The following ENOX1 variants were observed in gnomAD, a reference collection of about 807,000 sequenced individuals.
ENOX1 encodes the protein candidate growth-related and time keeping constitutive hydroquinone (NADH) oxidase.
A neutral mutation model predicts 82.5 loss-of-function variants in ENOX1; 42 were observed. That is an observed-to-expected ratio of 0.51 (90% confidence interval 0.40 to 0.66). The LOEUF is 0.66. Ranked by LOEUF, ENOX1 falls within the 30% of genes least tolerant of loss-of-function variation. ENOX1 has a pLI of 0.00. For synonymous variants in ENOX1, 271 were observed against 282.2 expected, an observed-to-expected ratio of 0.96 and a Z score of 0.40; for missense variants, 608 against 811.6, an observed-to-expected ratio of 0.75 and a Z score of 3.05.
rs146102838 is a variant in ENOX1 at position 43,551,574 on chromosome 13, T to G, written c.-218-67422A>C. On this transcript the variant is annotated intron_variant, in intron 2 of 16. Coordinates refer to ENST00000690772, the MANE Select transcript of ENOX1 (RefSeq NM_001347969.2). ...TTATCTTAAAAGGTACATTATAATTTAGTCAAATCTGATAGTCATGGGCTT... is the reference window on the plus strand; with the variant it reads ...TTATCTTAAAAGGTACATTATAATTGAGTCAAATCTGATAGTCATGGGCTT... Among the ~76,000 whole-genome samples, 22 of 152,368 alleles carry G rather than the reference T, an allele frequency of 1.4e-4. No homozygotes were observed. In the East Asian group the frequency reaches 3.1e-3, roughly 21 times the overall value.
chr13:43,701,625 C>A (rs2086911885), intron 1 of ENOX1, among the ~76,000 whole-genome samples: 3 of 152,086 alleles, frequency 2.0e-5, no homozygotes, highest in Admixed American at 2.0e-4. Flanking sequence ...AATGCAAATA[C>A]ATATCTTTTA....
intron 3 of ENOX1, among the ~76,000 whole-genome samples, chr13:43,430,277 A>G (rs1457368263): frequency 1.3e-5 from 2 of 152,248 alleles, no homozygotes; most frequent in Non-Finnish European, 2.9e-5. Context: ...ACAACTGATC[A>G]GCTACTAGTA....
chr13:43,354,403 T>C (rs1296443712), intron 8 of ENOX1, among the ~76,000 whole-genome samples: 1 of 151,690 alleles, frequency 6.6e-6, no homozygotes, highest in Non-Finnish European at 1.5e-5. Flanking sequence ...GCAGCTGCAG[T>C]TGATTAAGGA....
Position 43,575,000 on chromosome 13 carries a change from G to A in ENOX1, c.-218-90848C>T, listed in dbSNP as rs143877710. 4.4e-4 allele frequency among the ~76,000 whole-genome samples: 67 copies of A among 152,272 alleles called. No homozygotes were observed. The East Asian group carries it at 0.011, about 25-fold the overall frequency. ...GGGAGATGGCATGACAAAAGAGAGA[G>A]CCACATTCTGCTTAGGAGCTTATTG... On this transcript the variant is annotated intron_variant, in intron 2 of 16. Transcript: ENST00000690772.
At chr13:43,331,138 T>C (rs2048387374) in intron 9 of ENOX1, among the ~76,000 whole-genome samples, 1 of 152,172 alleles carries the variant, frequency 6.6e-6, no homozygotes, top group Non-Finnish European at 1.5e-5. Context: ...AAAGCTCAGA[T>C]TTCTGGGCTG....
chr13:43,541,165 T>C (rs1238588275), intron 2 of ENOX1, among the ~76,000 whole-genome samples: 4 of 137,424 alleles, frequency 2.9e-5, no homozygotes, highest in Non-Finnish European at 4.6e-5. Flanking sequence ...CTTACACTTC[T>C]TCCCTCTGTT....
chr13:43,385,261 T>G (rs537451007), intron 5 of ENOX1, among the ~76,000 whole-genome samples: 1 of 152,248 alleles, frequency 6.6e-6, no homozygotes, highest in Admixed American at 6.5e-5. Context: ...GAGAGGAAAC[T>G]TATAATCATT....
chr13:43,471,487 G>A (rs9562492), intron 3 of ENOX1, among the ~76,000 whole-genome samples: 30,112 of 152,042 alleles, frequency 0.2, 3,495 homozygotes, highest in East Asian at 0.31. Flanking sequence ...GTATTTAGGA[G>A]GATATGTACT....
intron 2 of ENOX1, among the ~76,000 whole-genome samples, chr13:43,615,189 T>C (rs2153741657): frequency 6.6e-6 from 1 of 152,312 alleles, no homozygotes; most frequent in South Asian, 2.1e-4. Context: ...ATCAGTGAGC[T>C]TAAGGAATCT....
At chr13:43,441,491 G>C (rs1007784295) in intron 3 of ENOX1, among the ~76,000 whole-genome samples, 2 of 152,140 alleles carry the variant, frequency 1.3e-5, no homozygotes, top group Non-Finnish European at 2.9e-5. Flanking sequence ...TTTGCAGCAA[G>C]GAGAAAGGAA....
rs546523367 is a variant in ENOX1, at chr13:43,704,046, G to T, written c.-284-36502C>A. 8.6e-5 allele frequency among the ~76,000 whole-genome samples: 13 copies of T among 151,798 alleles called. No homozygotes were observed. The East Asian group carries it at 2.3e-3, about 27-fold the overall frequency. On this transcript the variant is annotated intron_variant, in intron 1 of 16. Coordinates refer to ENST00000690772, the MANE Select transcript of ENOX1 (RefSeq NM_001347969.2). ...TTGTATTCTTCTTGATAGAATTATG[G>T]ATAACAAATTAAGACACCGATAGAG...
At chr13:43,326,344 A>G (rs2048113727) in intron 10 of ENOX1, 75 bp downstream of exon 10, 1 of 1,301,784 alleles carries the variant, frequency 7.7e-7, no homozygotes, top group Non-Finnish European at 1.1e-6. Flanking sequence ...AGAAACCATC[A>G]TGGCTGCAGC....
At chr13:43,467,168 C>G (rs1023444972) in intron 3 of ENOX1, among the ~76,000 whole-genome samples, 1 of 152,162 alleles carries the variant, frequency 6.6e-6, no homozygotes, top group African/African-American at 2.4e-5. Context: ...CTATGATTAA[C>G]TTTTTAAGAA....
At chr13:43,286,810 C>T (rs573499747) in intron 12 of ENOX1, among the ~76,000 whole-genome samples, 13 of 152,304 alleles carry the variant, frequency 8.5e-5, no homozygotes, top group East Asian at 5.8e-4. Context: ...ACTTTCCTTT[C>T]GCAGGTTCTT....
intron 13 of ENOX1, among the ~76,000 whole-genome samples, chr13:43,267,360 C>T (rs550660310): frequency 3.9e-5 from 6 of 152,306 alleles, no homozygotes; most frequent in South Asian, 2.1e-4. Flanking sequence ...GCTGCATCTT[C>T]GCAAATGGGA....
chr13:43,745,370 C>G (rs1295752654), intron 1 of ENOX1, among the ~76,000 whole-genome samples: 1 of 151,896 alleles, frequency 6.6e-6, no homozygotes, highest in Non-Finnish European at 1.5e-5. Flanking sequence ...ATGATTAAAA[C>G]ATAAAATCAT....
intron 2 of ENOX1, among the ~76,000 whole-genome samples, chr13:43,499,039 T>C (rs1314689878): frequency 1.3e-5 from 2 of 152,172 alleles, no homozygotes; most frequent in East Asian, 3.9e-4. Flanking sequence ...ATGATAAATG[T>C]ACTTTACCAC....
chr13:43,409,524 C>T (rs1033527610), intron 5 of ENOX1, among the ~76,000 whole-genome samples: 1 of 152,148 alleles, frequency 6.6e-6, no homozygotes, highest in East Asian at 1.9e-4. Flanking sequence ...TTAAATCTCA[C>T]AGCAGTTCCA....
intron 2 of ENOX1, among the ~76,000 whole-genome samples, chr13:43,529,111 C>T (rs1442342595): frequency 6.6e-6 from 1 of 151,946 alleles, no homozygotes; most frequent in Non-Finnish European, 1.5e-5. Context: ...TCCTTAGTTT[C>T]ACTTTTTTGC....
Sources: allele counts gnomAD v4.1 joint callset (sites outside exome capture counted in the v4.1 genomes callset), GRCh38; gene constraint gnomAD v4.1.1; transcripts MANE v1.5; gene names NCBI Gene and HGNC (gene_info 2026-07-23, HGNC 2026-07-21).